Variants in TTN observed in about 807,000 individuals in gnomAD.
The protein encoded by TTN is titin, also known as connectin.
A neutral mutation model predicts 3,223.0 loss-of-function variants in TTN; 1,525 were observed. The observed-to-expected ratio is 0.47, with a 90% CI of 0.45 to 0.49. The LOEUF is 0.49. Among genes scored for constraint, TTN ranks in the 20% least tolerant of loss-of-function variants. TTN has a pLI of 0.00. For missense variants in TTN, 40,786 were observed against 43,424.0 expected (o/e 0.94, Z 5.40); for synonymous variants, 14,094 against 15,161.0 (o/e 0.93, Z 5.17).
chr2:178,694,047 T>A (rs751357760), intron 117 of TTN, 39 bp from the exon 118 acceptor site: 12 of 1,495,900 alleles, frequency 8.0e-6, no homozygotes, highest in Admixed American at 1.8e-5. Flanking sequence ...TCCTTTTTTT[T>A]AGTACAAGAC....
In TTN at chr2:178,564,501, C is replaced by T. The variant is rs747343429; in HGVS notation, c.81631G>A (p.Asp27211Asn). 2.5e-6 allele frequency: 4 copies of T among 1,612,302 alleles called. No individual in the cohort carries two copies. Among genetic ancestry groups the T allele is most frequent in the East Asian group, 2.2e-5 (1 of 44,654 alleles). ...TTCATCCAGCGGCCATCAGGTAGAT[C>T]TTTCTTTTCTACAATATAACCTGTT... ...KITGYIVEKK[D>N]LPDGRWMKAS... is the part of the protein sequence containing the mutation. Residue 27211 changes from aspartate (D) to asparagine (N), a missense_variant, in exon 326 of 363, where the codon GAT becomes AAT. Asp to Asn is a conservative substitution (Grantham distance 23, BLOSUM62 1). Transcript: ENST00000589042.
Position 178,530,570 on chromosome 2 carries a change from G to A in TTN, c.106045C>T (p.Leu35349Phe), listed in dbSNP as rs1220665174. ...DGTYELKINN[L>F]TESDQGEYVC... ...TATTCTCCTTGATCAGATTCAGTGA[G>A]GTTATTGATTTTGAGCTCATAGGTA... Residue 35349 changes from leucine (L) to phenylalanine (F), a missense_variant, in exon 358 of 363, where the codon CTC becomes TTC. Coordinates refer to ENST00000589042, the MANE Select transcript of TTN (RefSeq NM_001267550.2). 6.2e-7 allele frequency: 1 copy of A among 1,613,868 alleles called. No individual in the cohort carries two copies. Among genetic ancestry groups the A allele is most frequent in the Non-Finnish European group, 8.5e-7 (1 of 1,179,888 alleles).
intron 162 of TTN, 56 bp downstream of exon 162, chr2:178,667,180 G>A: frequency 7.3e-7 from 1 of 1,372,878 alleles, no homozygotes; most frequent in South Asian, 1.3e-5. Context: ...TAAATATTTT[G>A]CAGACTGAAG....
In TTN at chr2:178,547,230, G is replaced by A. The variant is rs759415579; in HGVS notation, c.94295C>T (p.Pro31432Leu). 21 of 1,613,766 alleles carry A rather than the reference G, an allele frequency of 1.3e-5. No homozygotes were observed. In the South Asian group the frequency reaches 2.2e-4, roughly 17 times the overall value. The change falls in exon 340 of 363, where the codon CCC (proline) becomes CTC (leucine). Residue 31432 changes from proline to leucine, a missense_variant. Coordinates refer to ENST00000589042, the MANE Select transcript of TTN (RefSeq NM_001267550.2). ...ANAMSIRWEEPYHDGGSKIIG... is the reference protein window; with the variant it reads ...ANAMSIRWEELYHDGGSKIIG... ...GATTTTACTGCCACCATCGTGGTAG[G>A]GTTCTTCCCAACGAATAGACATGGC...
chr2:178,589,984 C>G lies in TTN; in HGVS notation c.61741G>C (p.Val20581Leu), dbSNP rs1559576334. ...GAAATTGTACAGTTCTCTTTGGTTA[C>G]ATTGGTAACCTTCAAATTCTGGCAA... Reference protein sequence around the residue: ...GPCQNLKVTNVTKENCTISWE... With the variant: ...GPCQNLKVTNLTKENCTISWE... The change falls in exon 304 of 363, where the codon GTA becomes CTA. Residue 20581 changes from valine (V) to leucine (L), a missense_variant. Coordinates refer to ENST00000589042, the MANE Select transcript of TTN (RefSeq NM_001267550.2). The G allele has an allele frequency of 6.2e-7, 1 of 1,613,154 alleles. No individual in the cohort carries two copies. Among genetic ancestry groups the G allele is most frequent in the African/African-American group, 1.3e-5 (1 of 75,002 alleles).
chr2:178,805,273 G>A (rs1374310059), intron 1 of TTN, among the ~76,000 whole-genome samples: 1 of 150,414 alleles, frequency 6.6e-6, no homozygotes. Flanking sequence ...AAACCCAGGA[G>A]GTGGAGGTTG....
rs780436747 is a variant in TTN at position 178,547,551 on chromosome 2, C to T, written c.94075G>A (p.Val31359Ile). The change falls in exon 339 of 363, where the codon GTC becomes ATC. Residue 31359 changes from valine to isoleucine, a missense_variant. Coordinates refer to ENST00000589042, the MANE Select transcript of TTN (RefSeq NM_001267550.2). ...TGAGTGCGCTTGACACTGGAATTGA[C>T]AAGCTGCCAAGCTGTTGTACCCGAT... ...RESGTTAWQLVNSSVKRTQIK... is the reference protein window; with the variant it reads ...RESGTTAWQLINSSVKRTQIK... 84 of 1,613,644 alleles carry T rather than the reference C, an allele frequency of 5.2e-5. No individual in the cohort carries two copies. The highest frequency in any genetic ancestry group is 7.0e-5 in the Non-Finnish European group (83 of 1,179,800).
rs1326848733 is a variant in TTN, at chr2:178,572,372, C to A, written c.73760G>T (p.Cys24587Phe). The A allele has an allele frequency of 6.2e-7, 1 of 1,612,904 alleles. No individual in the cohort carries two copies. The highest frequency in any genetic ancestry group is 8.5e-7 in the Non-Finnish European group (1 of 1,179,244). Residue 24587 changes from cysteine (C) to phenylalanine (F), a missense_variant, in exon 326 of 363, where the codon TGT becomes TTT. By Grantham distance (205) the Cys-to-Phe change is radical. Coordinates refer to ENST00000589042, the MANE Select transcript of TTN (RefSeq NM_001267550.2). ...SWKVDQLQEG[C>F]SYYFRVLAEN... ...TGCGAGAACCCTGAAATAGTAGCTA[C>A]AGCCTTCTTGAAGCTGGTCTACCTT...
chr2:178,661,040 G>A (rs2064674425), intron 180 of TTN, among the ~76,000 whole-genome samples: 2 of 72,940 alleles, frequency 2.7e-5, no homozygotes, highest in Non-Finnish European at 5.6e-5. Flanking sequence ...CGCTGGAGAG[G>A]ATGTGGAGCA....
At position 178,584,930 on chromosome 2, in the gene TTN, C is replaced by T. The variant is rs750771623; in HGVS notation, c.64711G>A (p.Asp21571Asn). ...AGGGAGCAAGCATCAGCGTCTATAT[C>T]AGAAATGTCAAATGGAGGCTGAGGG... The part of the protein sequence containing the change: ...GPPQPPFDIS[D>N]IDADACSLSW... The change falls in exon 310 of 363, where the codon GAT becomes AAT. Residue 21571 changes from aspartate (D) to asparagine (N), a missense_variant. By Grantham distance (23) the Asp-to-Asn change is conservative. Transcript: ENST00000589042. The T allele has an allele frequency of 1.9e-6, 3 of 1,613,268 alleles. No homozygotes were observed. Among genetic ancestry groups the T allele is most frequent in the Non-Finnish European group, 2.5e-6 (3 of 1,179,528 alleles).
At chr2:178,781,802 G>C (rs972944191) in intron 20 of TTN, among the ~76,000 whole-genome samples, 1 of 151,732 alleles carries the variant, frequency 6.6e-6, no homozygotes, top group African/African-American at 2.4e-5. Flanking sequence ...ATAGATTTTT[G>C]TGCATAACTA....
chr2:178,612,277 T>C lies in TTN; in HGVS notation c.50248A>G (p.Thr16750Ala). Residue 16750 changes from threonine (T) to alanine (A), a missense_variant and splice_region_variant, in exon 266 of 363, where the codon ACC (threonine) becomes GCC (alanine). By Grantham distance (58) the Thr-to-Ala change is moderately conservative. Transcript: ENST00000589042. ...ACAAAGATTAAGTGCAAGAGCATAC[T>C]AAAGGTGTCTTTGGCCAGCACAGAG... is the stretch of plus-strand genomic sequence containing the variant. ...EDSVLAKDTF[T>A]TPGPPYALAV... 1 of 1,612,044 alleles carries C rather than the reference T, an allele frequency of 6.2e-7. No individual in the cohort carries two copies. The highest frequency in any genetic ancestry group is 8.5e-7 in the Non-Finnish European group (1 of 1,179,022).
Position 178,723,286 on chromosome 2 carries a change from C to A in TTN, c.21721G>T (p.Val7241Leu). The change falls in exon 75 of 363, where the codon GTA (valine) becomes TTA (leucine). Residue 7241 changes from valine to leucine, a missense_variant. Val to Leu is a conservative substitution (Grantham distance 32). Coordinates refer to ENST00000589042, the MANE Select transcript of TTN (RefSeq NM_001267550.2). ...AFLKRLSDHS[V>L]EPGKSIILES... Reference sequence around the variant, plus strand: ...AGAATTATGGACTTCCCTGGTTCTACAGAATGATCACTTAATCTCTTCAAA... The same window carrying A: ...AGAATTATGGACTTCCCTGGTTCTAAAGAATGATCACTTAATCTCTTCAAA... The A allele has an allele frequency of 6.2e-7, 1 of 1,613,394 alleles. No individual in the cohort carries two copies. The highest frequency in any genetic ancestry group is 8.5e-7 in the Non-Finnish European group (1 of 1,179,598).
At position 178,756,375 on chromosome 2, in the gene TTN, C is replaced by T. The variant is rs1306774376; in HGVS notation, c.11101G>A (p.Glu3701Lys). 2 of 1,613,766 alleles carry T rather than the reference C, an allele frequency of 1.2e-6. No individual in the cohort carries two copies. The highest frequency in any genetic ancestry group is 1.1e-5 in the South Asian group (1 of 91,092). Residue 3701 changes from glutamate to lysine, a missense_variant, in exon 46 of 363, where the codon GAG becomes AAG. Transcript: ENST00000589042. ...GATTGTTTCAGTCTCTCGGATTCCT[C>T]TATCTTTGCACCTTCGTGAGTCCAG... ...VTWTHEGAKI[E>K]ESERLKQSQN... is the part of the protein sequence containing the mutation.
chr2:178,745,329 A>C lies in TTN; in HGVS notation c.11312-3408T>G. On this transcript the variant is annotated intron_variant, in intron 47 of 362. Transcript: ENST00000589042. ...AGAAGTACAAACAATTAGGTAGCCA[A>C]GGAGAGATTTAATTGTGTTTGATAT... 4 of 1,327,316 alleles carry C rather than the reference A, an allele frequency of 3.0e-6. No homozygotes were observed. The South Asian group carries it at 6.9e-5, about 23-fold the overall frequency. 82.2% of individuals were successfully genotyped at this position (1,327,316 alleles called of 1,614,324 possible).
intron 224 of TTN, among the ~76,000 whole-genome samples, 182 bp downstream of exon 224, chr2:178,637,187 A>ATATATCTATC (rs1553749552): frequency 3.8e-4 from 47 of 125,298 alleles, no homozygotes; most frequent in African/African-American, 1.3e-3. Context: ...ATATATATAT[A>ATATATCTATC]TATCTCCTTG....
intron 43 of TTN, among the ~76,000 whole-genome samples, chr2:178,759,739 AT>A (rs1433441778): frequency 2.6e-5 from 4 of 152,238 alleles, no homozygotes; most frequent in Non-Finnish European, 4.4e-5. Context: ...CGCAGTATAT[AT>A]GGCACAAATA....
chr2:178,751,563 C>T lies in TTN; in HGVS notation c.11311+1561G>A, dbSNP rs144967245. 132 of 1,613,128 alleles carry T rather than the reference C, an allele frequency of 8.2e-5. No individual in the cohort carries two copies. Among genetic ancestry groups the T allele is most frequent in the Admixed American group, 2.7e-4 (16 of 59,908 alleles). The stretch of plus-strand genomic sequence containing the variant: ...TCCACATTTTCATGTGTCCGTTCTG[C>T]TCTTTTCAGAAATTCTAAATATTTC... On this transcript the variant is annotated intron_variant, in intron 47 of 362. Transcript: ENST00000589042.
At chr2:178,750,143 G>A (rs537471313) in intron 47 of TTN, 1 of 1,613,148 alleles carries the variant, frequency 6.2e-7, no homozygotes, top group South Asian at 1.1e-5. Context: ...TGGTGGGTTA[G>A]TTTTTAACAA....
Sources: allele counts gnomAD v4.1 joint callset (sites outside exome capture counted in the v4.1 genomes callset), GRCh38; gene constraint gnomAD v4.1.1; transcripts MANE v1.5; gene names NCBI Gene and HGNC (gene_info 2026-07-23, HGNC 2026-07-21).